Variants in SLC25A20 observed in about 807,000 individuals in gnomAD.
The protein encoded by SLC25A20 is mitochondrial carnitine/acylcarnitine carrier protein.
SLC25A20 carries 29 observed loss-of-function variants against 39.7 expected under a neutral mutation model. That is an observed-to-expected ratio of 0.73 (90% CI 0.54 to 1.00). The LOEUF (loss-of-function observed/expected upper bound fraction) is 1.00. SLC25A20 is among the 50% of genes least tolerant of loss of function. SLC25A20 has a pLI of 0.00. For synonymous variants in SLC25A20, 103 were observed against 142.2 expected (o/e 0.72, Z 1.96); for missense variants, 333 against 379.9 (o/e 0.88, Z 1.03).
intron 3 of SLC25A20, among the ~76,000 whole-genome samples, chr3:48,881,009 C>T (rs2083791721): frequency 6.6e-6 from 1 of 152,184 alleles, no homozygotes. Flanking sequence ...AGCTTCGGTG[C>T]ACTCTTGACC....
chr3:48,858,969 G>A (rs1330475152), intron 7 of SLC25A20, 123 bp downstream of exon 7: 1 of 787,038 alleles, frequency 1.3e-6, no homozygotes, highest in Non-Finnish European at 2.2e-6. Context: ...ATATTGGTCA[G>A]GCAGATGCTA....
At chr3:48,884,925 A>G (rs1039813714) in intron 2 of SLC25A20, among the ~76,000 whole-genome samples, 3 of 151,806 alleles carry the variant, frequency 2.0e-5, no homozygotes, top group African/African-American at 4.8e-5. Flanking sequence ...AAAACAGGAT[A>G]CACAACGTGA....
At chr3:48,891,933 C>T (rs368235260) in intron 2 of SLC25A20, 47 bp downstream of exon 2, 12 of 1,441,918 alleles carry the variant, frequency 8.3e-6, no homozygotes, top group South Asian at 3.4e-5. Flanking sequence ...AAATCAACCC[C>T]GTGAATGTGT....
chr3:48,863,442 C>A (rs968355473), intron 4 of SLC25A20, among the ~76,000 whole-genome samples: 1 of 152,076 alleles, frequency 6.6e-6, no homozygotes, highest in Non-Finnish European at 1.5e-5. Flanking sequence ...CTATGCAGAG[C>A]CAGAGGAGGG....
chr3:48,871,493 C>A (rs892517260), intron 4 of SLC25A20, among the ~76,000 whole-genome samples: 7 of 151,990 alleles, frequency 4.6e-5, no homozygotes, highest in Non-Finnish European at 7.4e-5. Context: ...CAAGGCTGGG[C>A]GCAGTGACTC....
intron 4 of SLC25A20, among the ~76,000 whole-genome samples, chr3:48,871,393 C>G (rs1227722727): frequency 6.7e-6 from 1 of 150,162 alleles, no homozygotes; most frequent in Non-Finnish European, 1.5e-5. Flanking sequence ...TGTTGAATTT[C>G]AAGGTTTATT....
intron 2 of SLC25A20, among the ~76,000 whole-genome samples, chr3:48,891,409 A>C (rs572111296): frequency 6.6e-6 from 1 of 152,192 alleles, no homozygotes. Context: ...TCACTCTGTC[A>C]CCCAGGTTGG....
chr3:48,886,448 G>A lies in SLC25A20; in HGVS notation c.199-2324C>T, dbSNP rs969424155. ...CTGAGGCAGGAGGATCGCTTGAACCGGGAGGCGGAGGTTGCAGTGAGCCGA... is the reference window on the plus strand; with the variant it reads ...CTGAGGCAGGAGGATCGCTTGAACCAGGAGGCGGAGGTTGCAGTGAGCCGA... On this transcript the variant is annotated intron_variant, in intron 2 of 8. Transcript: ENST00000319017. 7.2e-5 allele frequency among the ~76,000 whole-genome samples: 11 copies of A among 151,822 alleles called. No homozygotes were observed. The South Asian group carries it at 8.3e-4, about 11-fold the overall frequency.
In SLC25A20 at chr3:48,857,681, C is replaced by G; in HGVS notation, c.*29G>C. ...TCTCCTCAACGACAGCTTCCAGCAT[C>G]CAGAAGTGAACTTGAGCAGCCTTCA... On this transcript the variant is annotated 3_prime_UTR_variant, in exon 9 of 9. Coordinates refer to ENST00000319017, the MANE Select transcript of SLC25A20 (RefSeq NM_000387.6). The G allele has an allele frequency of 6.2e-7, 1 of 1,609,808 alleles. No individual in the cohort carries two copies. Among genetic ancestry groups the G allele is most frequent in the Non-Finnish European group, 8.5e-7 (1 of 1,176,672 alleles).
At chr3:48,885,443 G>T (rs1353390941) in intron 2 of SLC25A20, among the ~76,000 whole-genome samples, 1 of 152,114 alleles carries the variant, frequency 6.6e-6, no homozygotes, top group African/African-American at 2.4e-5. Context: ...GATGGCACAG[G>T]GTGCAGTGGA....
chr3:48,867,656 G>GA (rs2083682024), intron 4 of SLC25A20, among the ~76,000 whole-genome samples: 1 of 150,370 alleles, frequency 6.7e-6, no homozygotes, highest in African/African-American at 2.4e-5. Context: ...AGTGGCTGAG[G>GA]GAAAAAAAAA....
intron 4 of SLC25A20, 89 bp from the exon 5 acceptor site, chr3:48,862,748 TA>T: frequency 1.2e-6 from 1 of 822,116 alleles, no homozygotes; most frequent in Non-Finnish European, 2.2e-6. Context: ...GTATGGCCAT[TA>T]TGTGTTACAG....
At position 48,896,027 on chromosome 3, in the gene SLC25A20, C is replaced by T. The variant is rs1296827631; in HGVS notation, c.105+2663G>A. Among the ~76,000 whole-genome samples the T allele has an allele frequency of 2.6e-5, 4 of 151,602 alleles. 1 individual carries two copies. Among genetic ancestry groups the T allele is most frequent in the African/African-American group, 9.7e-5 (4 of 41,264 alleles). On this transcript the variant is annotated intron_variant, in intron 1 of 8. Transcript: ENST00000319017. Reference sequence around the variant, plus strand: ...TGGTGGTGGGCACCTATAATCCCAGCTACTCAGGAGGCTGAGGCAAAAGAA... The same window carrying T: ...TGGTGGTGGGCACCTATAATCCCAGTTACTCAGGAGGCTGAGGCAAAAGAA...
chr3:48,881,688 T>C (rs1168900173), intron 3 of SLC25A20, among the ~76,000 whole-genome samples: 1 of 152,130 alleles, frequency 6.6e-6, no homozygotes, highest in Non-Finnish European at 1.5e-5. Flanking sequence ...CTGATGTGAC[T>C]GTACAGGAAC....
chr3:48,879,810 A>G (rs537806062), intron 3 of SLC25A20, among the ~76,000 whole-genome samples: 240 of 152,258 alleles, frequency 1.6e-3, no homozygotes, highest in Non-Finnish European at 2.7e-3. Context: ...GGCCTCTCTG[A>G]GCCTCAATTC....
At position 48,858,643 on chromosome 3, in the gene SLC25A20, A is replaced by C; in HGVS notation, c.719-12T>G. The C allele has an allele frequency of 6.2e-7, 1 of 1,614,150 alleles. No individual in the cohort carries two copies. The stretch of plus-strand genomic sequence containing the variant: ...TTTCCCAGGAGGTGCTGTGGGGCAG[A>C]ACCCAATTTTTAAGGCTTCAGGAAG... On this transcript the variant is annotated splice_polypyrimidine_tract_variant and intron_variant, in intron 7 of 8. Coordinates refer to ENST00000319017, the MANE Select transcript of SLC25A20 (RefSeq NM_000387.6).
At chr3:48,859,684 T>C in intron 5 of SLC25A20, 57 bp from the exon 6 acceptor site, 1 of 1,345,060 alleles carries the variant, frequency 7.4e-7, no homozygotes, top group Non-Finnish European at 1.1e-6. Context: ...CCAGGCATGG[T>C]GGTACACACC....
At chr3:48,887,744 A>C (rs2083839886) in intron 2 of SLC25A20, among the ~76,000 whole-genome samples, 2 of 152,142 alleles carry the variant, frequency 1.3e-5, no homozygotes, top group Non-Finnish European at 2.9e-5. Context: ...TCTACTAAAA[A>C]TACAAAAATT....
intron 4 of SLC25A20, among the ~76,000 whole-genome samples, chr3:48,868,767 T>G (rs1289197539): frequency 6.6e-6 from 1 of 152,110 alleles, no homozygotes; most frequent in Non-Finnish European, 1.5e-5. Flanking sequence ...CAGCAAAGAC[T>G]TAGTGGGAAG....
Sources: gnomAD v4.1 joint callset for allele counts (sites outside exome capture counted in the v4.1 genomes callset) on GRCh38, gnomAD v4.1.1 for gene constraint, MANE v1.5 for transcripts, NCBI Gene and HGNC (gene_info 2026-07-23, HGNC 2026-07-21) for gene names.